Variants in CACNA2D1 observed in about 807,000 individuals in gnomAD.
CACNA2D1 encodes voltage-dependent calcium channel subunit alpha-2/delta-1.
Under a neutral mutation model 171.5 loss-of-function variants are expected in CACNA2D1, and 53 were observed. That is an observed-to-expected ratio of 0.31 (90% CI 0.25 to 0.39). The LOEUF (loss-of-function observed/expected upper bound fraction) is 0.39. Among genes scored for constraint, CACNA2D1 ranks in the 10% least tolerant of loss-of-function variants. The pLI, the probability that CACNA2D1 is intolerant of heterozygous loss-of-function variation, is 1.00. For synonymous variants in CACNA2D1, 442 were observed against 443.1 expected (o/e 1.00, Z 0.03); for missense variants, 903 against 1,299.8 (o/e 0.69, Z 4.69).
intron 12 of CACNA2D1, among the ~76,000 whole-genome samples, chr7:82,030,282 G>A (rs1253643248): frequency 2.6e-5 from 4 of 151,184 alleles, no homozygotes; most frequent in Non-Finnish European, 3.0e-5. Context: ...ATAGTGGATG[G>A]AATACATTTA....
At chr7:82,232,456 G>GA (rs1276954182) in intron 3 of CACNA2D1, among the ~76,000 whole-genome samples, 7 of 152,214 alleles carry the variant, frequency 4.6e-5, no homozygotes, top group African/African-American at 1.7e-4. Flanking sequence ...GCTAAACTTA[G>GA]TTGAAAATAG....
Position 82,410,634 on chromosome 7 carries a change from G to C in CACNA2D1, c.95+32731C>G, listed in dbSNP as rs1030976211. 1.4e-5 allele frequency: 6 copies of C among 424,472 alleles called. No individual in the cohort carries two copies. The East Asian group carries it at 9.5e-4, about 68-fold the overall frequency. The allele number at this position is 424,472 out of a possible 1,614,324, so 26.3% of individuals were successfully genotyped here. A position where few individuals can be genotyped will look rare whatever the true frequency, so the allele number is the denominator to read the frequency against. On this transcript the variant is annotated intron_variant, in intron 1 of 38. Transcript: ENST00000356860. ...AGACTGCAAGAGAGAAGGCGAGTCT[G>C]ACTGAGCAGGCGCGTAAGGGCAAAT...
chr7:82,385,179 C>T (rs1324598717), intron 1 of CACNA2D1, among the ~76,000 whole-genome samples: 1 of 152,166 alleles, frequency 6.6e-6, no homozygotes, highest in South Asian at 2.1e-4. Flanking sequence ...ATGCTGTGCT[C>T]GTCTGTCCCT....
At position 81,997,664 on chromosome 7, in the gene CACNA2D1, T is replaced by TAAA. The variant is rs34518880; in HGVS notation, c.1591-417_1591-415dup. Among the ~76,000 whole-genome samples the TAAA allele has an allele frequency of 1.7e-3, 232 of 139,988 alleles. 3 individuals carry two copies. The East Asian group carries it at 0.018, about 11-fold the overall frequency. 91.8% of individuals were successfully genotyped at this position (139,988 alleles called of 152,430 possible). A position where few individuals can be genotyped will look rare whatever the true frequency, so the allele number is the denominator to read the frequency against. The stretch of plus-strand genomic sequence containing the variant: ...CATGTAAGCATACTTTTAAAATTTG[T>TAAA]AAAAAAAAAAAAAAGTGTATGAGAA... On this transcript the variant is annotated intron_variant, in intron 18 of 38. Coordinates refer to ENST00000356860, the MANE Select transcript of CACNA2D1 (RefSeq NM_000722.4).
At chr7:82,377,883 T>C (rs1194931989) in intron 1 of CACNA2D1, among the ~76,000 whole-genome samples, 3 of 152,182 alleles carry the variant, frequency 2.0e-5, no homozygotes, top group Non-Finnish European at 4.4e-5. Flanking sequence ...CCAAAGGATG[T>C]AGTCTAAATA....
At chr7:81,994,217 ATGTC>A (rs1478008409) in intron 20 of CACNA2D1, among the ~76,000 whole-genome samples, 7 of 152,144 alleles carry the variant, frequency 4.6e-5, no homozygotes, top group Non-Finnish European at 1.0e-4. Context: ...AAATGTATAA[ATGTC>A]TGTATGTACT....
chr7:82,129,023 C>T (rs561974164), intron 5 of CACNA2D1, among the ~76,000 whole-genome samples: 1 of 152,162 alleles, frequency 6.6e-6, no homozygotes, highest in Non-Finnish European at 1.5e-5. Context: ...TGTAAGCATG[C>T]CAAAATTTAT....
Position 81,962,491 on chromosome 7 carries a change from T to C in CACNA2D1, c.2785A>G (p.Ile929Val), listed in dbSNP as rs774978800. Residue 929 changes from isoleucine (I) to valine (V), a missense_variant, in exon 35 of 39, where the codon ATT (isoleucine) becomes GTT (valine). Coordinates refer to ENST00000356860, the MANE Select transcript of CACNA2D1 (RefSeq NM_000722.4). ...AAACTCAAGAGAAACTGCTGTAGAATAGACCTGAATTTTTCAAATAAAAAA... is the reference window on the plus strand; with the variant it reads ...AAACTCAAGAGAAACTGCTGTAGAACAGACCTGAATTTTTCAAATAAAAAA... ...GWWATAAAWSILQQFLLSLTF... is the reference protein window; with the variant it reads ...GWWATAAAWSVLQQFLLSLTF... 5.7e-6 allele frequency: 9 copies of C among 1,590,686 alleles called. No individual in the cohort carries two copies. In the East Asian group the frequency reaches 6.8e-5, roughly 12 times the overall value.
intron 1 of CACNA2D1, among the ~76,000 whole-genome samples, chr7:82,400,262 G>T (rs957509874): frequency 2.0e-5 from 3 of 151,484 alleles, no homozygotes; most frequent in African/African-American, 7.3e-5. Context: ...GCTTGATGGG[G>T]ATGGCATTGA....
At chr7:82,377,834 A>C (rs1417304071) in intron 1 of CACNA2D1, among the ~76,000 whole-genome samples, 3 of 152,184 alleles carry the variant, frequency 2.0e-5, no homozygotes, top group Admixed American at 6.5e-5. Flanking sequence ...TGTTAAAAAC[A>C]AAACAAATTC....
At chr7:82,071,265 C>G (rs1808293192) in intron 7 of CACNA2D1, among the ~76,000 whole-genome samples, 1 of 152,102 alleles carries the variant, frequency 6.6e-6, no homozygotes, top group Non-Finnish European at 1.5e-5. Flanking sequence ...AGAATACTAC[C>G]AGAAACAGTG....
At chr7:82,154,289 G>A (rs117868079) in intron 4 of CACNA2D1, among the ~76,000 whole-genome samples, 35 of 152,284 alleles carry the variant, frequency 2.3e-4, no homozygotes, top group South Asian at 4.1e-4. Context: ...TTTGTCAGCA[G>A]AACGCTCAAA....
At chr7:82,033,065 C>A (rs1009079477) in intron 11 of CACNA2D1, 164 bp from the exon 12 acceptor site, 2 of 546,716 alleles carry the variant, frequency 3.7e-6, no homozygotes, top group South Asian at 2.2e-5. Flanking sequence ...AGGCCCACCC[C>A]CTTCACCAGG....
intron 3 of CACNA2D1, among the ~76,000 whole-genome samples, chr7:82,298,967 G>A (rs1812639653): frequency 6.6e-6 from 1 of 151,362 alleles, no homozygotes; most frequent in African/African-American, 2.4e-5. Flanking sequence ...GGAGACTGAG[G>A]CAGGAGAATC....
chr7:82,328,669 A>G (rs904807592), intron 3 of CACNA2D1, among the ~76,000 whole-genome samples: 1 of 152,108 alleles, frequency 6.6e-6, no homozygotes, highest in Non-Finnish European at 1.5e-5. Context: ...CTGCTTTTCT[A>G]GCTATAAGCA....
intron 1 of CACNA2D1, among the ~76,000 whole-genome samples, chr7:82,372,380 G>A (rs1051725744): frequency 1.3e-5 from 2 of 151,982 alleles, no homozygotes; most frequent in Non-Finnish European, 2.9e-5. Flanking sequence ...AATATTGTGT[G>A]GCTTTACTGT....
chr7:82,160,060 T>C (rs1179448773), intron 4 of CACNA2D1, among the ~76,000 whole-genome samples: 1 of 151,832 alleles, frequency 6.6e-6, no homozygotes, highest in Non-Finnish European at 1.5e-5. Flanking sequence ...ATGAAGAATG[T>C]ATCATTCGGA....
chr7:82,412,471 TGCGGTTTCA>T (rs1827778793), intron 1 of CACNA2D1, among the ~76,000 whole-genome samples: 2 of 151,846 alleles, frequency 1.3e-5, no homozygotes, highest in Admixed American at 1.3e-4. Flanking sequence ...TTAGTAGAGA[TGCGGTTTCA>T]GCATGCTGGT....
chr7:82,359,804 T>C (rs1347570068), intron 1 of CACNA2D1, among the ~76,000 whole-genome samples: 1 of 152,226 alleles, frequency 6.6e-6, no homozygotes, highest in African/African-American at 2.4e-5. Flanking sequence ...TAGCTTATCA[T>C]GTTCTGAAAC....
Sources: allele counts gnomAD v4.1 joint callset (sites outside exome capture counted in the v4.1 genomes callset), GRCh38; gene constraint gnomAD v4.1.1; transcripts MANE v1.5; gene names NCBI Gene and HGNC (gene_info 2026-07-23, HGNC 2026-07-21).